Variants in JAM3 observed in about 807,000 individuals in gnomAD.
JAM3 encodes junctional adhesion molecule C.
JAM3 carries 31 observed loss-of-function variants against 39.4 expected under a neutral mutation model. That is an observed-to-expected ratio of 0.79 (90% CI 0.59 to 1.06). The LOEUF is 1.06. Among genes scored for constraint, JAM3 ranks in the 50% least tolerant of loss-of-function variants. The pLI, the probability that JAM3 is intolerant of heterozygous loss-of-function variation, is 0.00. For missense variants in JAM3, 455 were observed against 391.4 expected, an observed-to-expected ratio of 1.16 and a Z score of -1.37; for synonymous variants, 182 against 148.7, an observed-to-expected ratio of 1.22 and a Z score of -1.63.
In JAM3 at chr11:134,118,948, T is replaced by A. The variant is rs573424621; in HGVS notation, c.77-20903T>A. Among the ~76,000 whole-genome samples the A allele has an allele frequency of 4.0e-5, 6 of 150,700 alleles. No homozygotes were observed. In the South Asian group the frequency reaches 1.3e-3, roughly 32 times the overall value. ...CTCTGGTGTTATCTGACTGGATTAA[T>A]CAGATTTGTGCTCAAGAAATCTTTT... is the stretch of plus-strand genomic sequence containing the variant. On this transcript the variant is annotated intron_variant, in intron 1 of 8. Transcript: ENST00000299106.
At chr11:134,138,119 G>A (rs1942902210) in intron 1 of JAM3, among the ~76,000 whole-genome samples, 1 of 131,778 alleles carries the variant, frequency 7.6e-6, no homozygotes. Context: ...AAGTCATGGT[G>A]CTCCTACTGA....
At chr11:134,108,959 C>G (rs1393774146) in intron 1 of JAM3, among the ~76,000 whole-genome samples, 1 of 152,060 alleles carries the variant, frequency 6.6e-6, no homozygotes, top group Non-Finnish European at 1.5e-5. Flanking sequence ...CTGCTCTCAC[C>G]AGCTCTTTTA....
At chr11:134,076,836 T>TC (rs1233856091) in intron 1 of JAM3, among the ~76,000 whole-genome samples, 1 of 146,164 alleles carries the variant, frequency 6.8e-6, no homozygotes, top group East Asian at 2.0e-4. Flanking sequence ...TCTATTGCTT[T>TC]TTTTTTTTTT....
intron 1 of JAM3, among the ~76,000 whole-genome samples, chr11:134,130,286 G>A (rs1023231263): frequency 2.8e-4 from 43 of 152,336 alleles, no homozygotes; most frequent in African/African-American, 1.0e-3. Flanking sequence ...CTCAGTCTAT[G>A]TTTGGATTGG....
intron 1 of JAM3, among the ~76,000 whole-genome samples, chr11:134,069,424 A>G (rs991461731): frequency 2.1e-4 from 32 of 152,014 alleles, no homozygotes; most frequent in African/African-American, 6.5e-4. Flanking sequence ...CGTCCCAGGC[A>G]GTGAGTCGGT....
rs1591763787 is a variant in JAM3, at chr11:134,069,240, G to A, written c.76+81G>A. 9 of 1,537,938 alleles carry A rather than the reference G, an allele frequency of 5.9e-6. No individual in the cohort carries two copies. In the East Asian group the frequency reaches 2.2e-4, roughly 37 times the overall value. On this transcript the variant is annotated intron_variant, in intron 1 of 8. Transcript: ENST00000299106. ...GAGCGGGCCGAAGCTGCTGGAGCCG[G>A]TCCGGGCGAGGATAGCGGTCCTGGC...
At chr11:134,139,972 T>C in intron 2 of JAM3, 56 bp downstream of exon 2, 1 of 1,338,904 alleles carries the variant, frequency 7.5e-7, no homozygotes, top group Non-Finnish European at 1.1e-6. Context: ...ACATTTGATG[T>C]CTTGCAGCCA....
chr11:134,132,881 G>A (rs2120824133), intron 1 of JAM3, among the ~76,000 whole-genome samples: 1 of 152,202 alleles, frequency 6.6e-6, no homozygotes, highest in East Asian at 1.9e-4. Context: ...TTATAGTTTA[G>A]GTTTTCCTAC....
chr11:134,097,517 A>G (rs1172298546), intron 1 of JAM3, among the ~76,000 whole-genome samples: 2 of 152,090 alleles, frequency 1.3e-5, no homozygotes, highest in Non-Finnish European at 2.9e-5. Context: ...TGGCAGGGAC[A>G]TTTCTTCTCA....
chr11:134,139,763 A>G, intron 1 of JAM3, 88 bp from the exon 2 acceptor site: 1 of 979,460 alleles, frequency 1.0e-6, no homozygotes, highest in Non-Finnish European at 1.7e-6. Flanking sequence ...ACCATAGCCT[A>G]CGCAGACGGG....
At chr11:134,123,151 G>C (rs1321849114) in intron 1 of JAM3, among the ~76,000 whole-genome samples, 1 of 152,214 alleles carries the variant, frequency 6.6e-6, no homozygotes, top group Non-Finnish European at 1.5e-5. Flanking sequence ...CCTTTCATCA[G>C]TAAAGACTAA....
intron 1 of JAM3, among the ~76,000 whole-genome samples, chr11:134,138,130 G>A (rs533468104): frequency 7.5e-6 from 1 of 133,080 alleles, no homozygotes; most frequent in South Asian, 2.5e-4. Context: ...CTCCTACTGA[G>A]AGAAATGTTT....
At chr11:134,079,683 A>G (rs1941632416) in intron 1 of JAM3, among the ~76,000 whole-genome samples, 1 of 152,224 alleles carries the variant, frequency 6.6e-6, no homozygotes, top group East Asian at 1.9e-4. Context: ...CTCTCACACT[A>G]CCACCAAAAC....
At chr11:134,108,253 G>T (rs991582425) in intron 1 of JAM3, among the ~76,000 whole-genome samples, 2 of 151,744 alleles carry the variant, frequency 1.3e-5, no homozygotes, top group Non-Finnish European at 2.9e-5. Flanking sequence ...TAAGTGGCCT[G>T]AATAGCCTAA....
At chr11:134,084,099 A>G (rs1186558620) in intron 1 of JAM3, among the ~76,000 whole-genome samples, 1 of 152,132 alleles carries the variant, frequency 6.6e-6, no homozygotes, top group Non-Finnish European at 1.5e-5. Flanking sequence ...GCTCTGTAGA[A>G]TTATTCTGTC....
In JAM3 at chr11:134,149,665, A is replaced by G; in HGVS notation, c.*484A>G. 2.2e-6 allele frequency: 1 copy of G among 457,356 alleles called. No homozygotes were observed. The highest frequency in any genetic ancestry group is 4.4e-6 in the Non-Finnish European group (1 of 227,694). The allele number at this position is 457,356 out of a possible 1,614,324, so 28.3% of individuals were successfully genotyped here. On this transcript the variant is annotated 3_prime_UTR_variant, in exon 9 of 9. Coordinates refer to ENST00000299106, the MANE Select transcript of JAM3 (RefSeq NM_032801.5). The stretch of plus-strand genomic sequence containing the variant: ...CAGCAGCCTTACTTCATCGGCCCAC[A>G]GACACCACCGCAGTTTCTTCTTAAA...
chr11:134,106,645 A>C (rs1338878620), intron 1 of JAM3, among the ~76,000 whole-genome samples: 1 of 152,248 alleles, frequency 6.6e-6, no homozygotes, highest in Non-Finnish European at 1.5e-5. Context: ...TTTACAAGAA[A>C]AAAACCTCAT....
chr11:134,139,418 T>G (rs1354221884), intron 1 of JAM3, among the ~76,000 whole-genome samples: 2 of 151,924 alleles, frequency 1.3e-5, no homozygotes, highest in African/African-American at 2.4e-5. Context: ...AAGGGAAGAG[T>G]TCCAGCCCAA....
At chr11:134,113,594 A>G (rs907403809) in intron 1 of JAM3, among the ~76,000 whole-genome samples, 22 of 152,130 alleles carry the variant, frequency 1.4e-4, no homozygotes, top group Non-Finnish European at 2.6e-4. Context: ...GTCTATCATT[A>G]ATGGACATTT....
Sources: gnomAD v4.1 joint callset for allele counts (sites outside exome capture counted in the v4.1 genomes callset) on GRCh38, gnomAD v4.1.1 for gene constraint, MANE v1.5 for transcripts, NCBI Gene and HGNC (gene_info 2026-07-23, HGNC 2026-07-21) for gene names.